DPP10: variants seen among roughly 807,000 people sequenced by gnomAD.
DPP10 encodes dipeptidyl peptidase like 10, also known as inactive dipeptidyl peptidase 10.
DPP10 carries 33 observed loss-of-function variants against 120.9 expected under a neutral mutation model. That is an observed-to-expected ratio of 0.27 (90% CI 0.21 to 0.37). The LOEUF (loss-of-function observed/expected upper bound fraction) is 0.37, where lower values mean the gene tolerates loss of function less well. Ranked by LOEUF, DPP10 falls within the 10% of genes least tolerant of loss-of-function variation. DPP10 has a pLI of 1.00. For missense variants in DPP10, 816 were observed against 942.8 expected, an observed-to-expected ratio of 0.87 and a Z score of 1.76; for synonymous variants, 337 against 326.1, an observed-to-expected ratio of 1.03 and a Z score of -0.36.
At chr2:114,781,519 T>C (rs747219796) in intron 1 of DPP10, among the ~76,000 whole-genome samples, 7 of 152,140 alleles carry the variant, frequency 4.6e-5, no homozygotes, top group Non-Finnish European at 7.4e-5. Flanking sequence ...TTGAAAAGAT[T>C]CATTGATAGC....
intron 17 of DPP10, among the ~76,000 whole-genome samples, chr2:115,790,025 T>C (rs1269210139): frequency 1.3e-5 from 2 of 152,170 alleles, no homozygotes; most frequent in East Asian, 1.9e-4. Flanking sequence ...ACAATATGTA[T>C]ATATGCAAAC....
At chr2:115,828,643 G>C (rs1688620883) in intron 21 of DPP10, among the ~76,000 whole-genome samples, 1 of 151,908 alleles carries the variant, frequency 6.6e-6, no homozygotes, top group African/African-American at 2.4e-5. Context: ...ACAATGCTAG[G>C]ACTGACGTGT....
intron 1 of DPP10, among the ~76,000 whole-genome samples, chr2:114,568,650 T>C (rs1689396704): frequency 6.6e-6 from 1 of 152,216 alleles, no homozygotes; most frequent in African/African-American, 2.4e-5. Context: ...AAAAATGACC[T>C]CATGCAATTG....
rs574881986 is a variant in DPP10 at position 114,703,991 on chromosome 2, C to T, written c.60+261153C>T. Among the ~76,000 whole-genome samples the T allele has an allele frequency of 3.9e-5, 6 of 152,162 alleles. No homozygotes were observed. In the South Asian group the frequency reaches 1.2e-3, roughly 32 times the overall value. ...TTTGGGCCTTTTTCCTACTGCCTCC[C>T]ACAGAGCCGGGCTGTACCACATGCT... is the stretch of plus-strand genomic sequence containing the variant. On this transcript the variant is annotated intron_variant, in intron 1 of 25. Coordinates refer to ENST00000410059, the MANE Select transcript of DPP10 (RefSeq NM_020868.6).
At chr2:114,931,704 G>GAAGGAGT (rs1696082139) in intron 1 of DPP10, among the ~76,000 whole-genome samples, 1 of 152,196 alleles carries the variant, frequency 6.6e-6, no homozygotes, top group Non-Finnish European at 1.5e-5. Flanking sequence ...ACCAACATTA[G>GAAGGAGT]AAATCTGCTG....
intron 17 of DPP10, among the ~76,000 whole-genome samples, chr2:115,788,555 G>A (rs1683587637): frequency 1.3e-5 from 2 of 152,092 alleles, no homozygotes; most frequent in African/African-American, 4.8e-5. Context: ...TAAAAGAGAT[G>A]ATGTTTATAC....
At chr2:115,836,482 G>T in intron 22 of DPP10, 25 bp from the exon 23 acceptor site, 2 of 1,602,684 alleles carry the variant, frequency 1.2e-6, no homozygotes, top group Non-Finnish European at 1.7e-6. Context: ...GTTTCTTCTC[G>T]AATGTCTGTT....
At chr2:114,477,892 CAT>C (rs753080264) in intron 1 of DPP10, among the ~76,000 whole-genome samples, 124 of 114,040 alleles carry the variant, frequency 1.1e-3, no homozygotes, top group African/African-American at 3.4e-3. Context: ...TATATATGTA[CAT>C]ATGTGTATAT....
chr2:114,995,830 C>T (rs1701045819), intron 1 of DPP10, among the ~76,000 whole-genome samples: 1 of 152,136 alleles, frequency 6.6e-6, no homozygotes, highest in Non-Finnish European at 1.5e-5. Flanking sequence ...GTAATCTCTC[C>T]TTTTCATGTA....
rs573597873 is a variant in DPP10, at chr2:115,794,429, C to A, written c.1700+3073C>A. Among the ~76,000 whole-genome samples, 23 of 152,254 alleles carry A rather than the reference C, an allele frequency of 1.5e-4. 1 individual carries two copies. The East Asian group carries it at 4.2e-3, about 28-fold the overall frequency. Reference sequence around the variant, plus strand: ...CAAAAGAAATGGTCCTCTGACCTCCCTTGCTTGGTCATATGTTTTGAAACT... The same window carrying A: ...CAAAAGAAATGGTCCTCTGACCTCCATTGCTTGGTCATATGTTTTGAAACT... On this transcript the variant is annotated intron_variant, in intron 19 of 25. Transcript: ENST00000410059.
At chr2:115,720,004 T>C (rs955038046) in intron 7 of DPP10, among the ~76,000 whole-genome samples, 1 of 152,200 alleles carries the variant, frequency 6.6e-6, no homozygotes, top group Non-Finnish European at 1.5e-5. Flanking sequence ...ATGCGTCTTT[T>C]GATACAGAAA....
At position 115,339,453 on chromosome 2, in the gene DPP10, G is replaced by C. The variant is rs940969259; in HGVS notation, c.176-4364G>C. On this transcript the variant is annotated intron_variant, in intron 2 of 25. Coordinates refer to ENST00000410059, the MANE Select transcript of DPP10 (RefSeq NM_020868.6). ...ATTTGACCCAGCAACTGCATATTTG[G>C]GCATTTATCTTGGAGAAAAGAAAAT... Among the ~76,000 whole-genome samples the C allele has an allele frequency of 1.3e-5, 2 of 151,910 alleles. 1 individual carries two copies. The highest frequency in any genetic ancestry group is 2.9e-5 in the Non-Finnish European group (2 of 67,998).
At chr2:114,577,391 T>A (rs1164406749) in intron 1 of DPP10, among the ~76,000 whole-genome samples, 2 of 152,164 alleles carry the variant, frequency 1.3e-5, no homozygotes, top group Non-Finnish European at 2.9e-5. Context: ...TGGGAGGACA[T>A]ATAAATTGAA....
chr2:114,747,444 C>T (rs183732317), intron 1 of DPP10, among the ~76,000 whole-genome samples: 186 of 152,210 alleles, frequency 1.2e-3, no homozygotes, highest in Non-Finnish European at 2.0e-3. Flanking sequence ...GTACATTTTC[C>T]ATCACTTAGC....
At chr2:115,314,332 C>A (rs2061698692) in intron 2 of DPP10, among the ~76,000 whole-genome samples, 1 of 152,186 alleles carries the variant, frequency 6.6e-6, no homozygotes, top group Non-Finnish European at 1.5e-5. Flanking sequence ...AGTCATCACA[C>A]TGATTATCTG....
intron 1 of DPP10, among the ~76,000 whole-genome samples, chr2:115,150,832 A>AAT (rs1204265934): frequency 6.6e-6 from 1 of 152,262 alleles, no homozygotes; most frequent in Non-Finnish European, 1.5e-5. Context: ...TCTCATAGAC[A>AAT]ATTTTCATAT....
At chr2:115,071,721 C>T (rs1051999446) in intron 1 of DPP10, among the ~76,000 whole-genome samples, 1 of 151,660 alleles carries the variant, frequency 6.6e-6, no homozygotes, top group African/African-American at 2.4e-5. Flanking sequence ...AGCATTTGGG[C>T]TTGTTTCAGC....
intron 1 of DPP10, among the ~76,000 whole-genome samples, chr2:115,042,141 G>A (rs140567194): frequency 1.3e-3 from 199 of 149,854 alleles, no homozygotes; most frequent in African/African-American, 4.7e-3. Flanking sequence ...TTCCCAATCT[G>A]TAAAATGGAT....
At chr2:115,338,741 G>A (rs999160784) in intron 2 of DPP10, among the ~76,000 whole-genome samples, 1 of 152,084 alleles carries the variant, frequency 6.6e-6, no homozygotes, top group Non-Finnish European at 1.5e-5. Context: ...AAATAAACCA[G>A]CAGACAAACA....
Sources: allele counts gnomAD v4.1 joint callset (sites outside exome capture counted in the v4.1 genomes callset), GRCh38; gene constraint gnomAD v4.1.1; transcripts MANE v1.5; gene names NCBI Gene and HGNC (gene_info 2026-07-23, HGNC 2026-07-21).